WDR36: variants seen among roughly 807,000 people sequenced by gnomAD.
WDR36 encodes the protein WD repeat-containing protein 36.
A neutral mutation model predicts 112.7 loss-of-function variants in WDR36; 63 were observed. That is an observed-to-expected ratio of 0.56 (90% CI 0.46 to 0.69). The LOEUF (loss-of-function observed/expected upper bound fraction) is 0.69. Ranked by LOEUF, WDR36 falls within the 30% of genes least tolerant of loss-of-function variation. The probability of loss-of-function intolerance (pLI) is 0.00; values close to 1 mark genes in which losing one functional copy is unlikely to be tolerated. For synonymous variants in WDR36, 410 were observed against 362.2 expected (o/e 1.13, Z -1.50); for missense variants, 1,226 against 1,070.3 (o/e 1.15, Z -2.03).
In WDR36 at chr5:111,126,824, CA is replaced by C; in HGVS notation, c.2631del (p.Gln877HisfsTer11). The C allele has an allele frequency of 6.2e-7, 1 of 1,613,618 alleles. No individual in the cohort carries two copies. The highest frequency in any genetic ancestry group is 8.5e-7 in the Non-Finnish European group (1 of 1,179,792). On this transcript the variant is annotated frameshift_variant, in exon 23 of 23. Coordinates refer to ENST00000513710, the MANE Select transcript of WDR36 (RefSeq NM_139281.3). LOFTEE classifies it high-confidence loss of function. ...GGTGGAAGAAAACTGGACCCATTTG[CA>C]ATCACTCTTCAATCAAAGCATGTGT... The part of the protein sequence containing the change: ...SQVEENWTHL[Q>X]SLFNQSMCIL...
chr5:111,127,939 T>C lies in WDR36; in HGVS notation c.*1056T>C, dbSNP rs1389791903. 2 of 205,212 alleles carry C rather than the reference T, an allele frequency of 9.7e-6. No homozygotes were observed. Among genetic ancestry groups the C allele is most frequent in the African/African-American group, 4.6e-5 (2 of 43,396 alleles). The allele number at this position is 205,212 out of a possible 1,614,324, so 12.7% of individuals were successfully genotyped here. A position where few individuals can be genotyped will look rare whatever the true frequency, so the allele number is the denominator to read the frequency against. The stretch of plus-strand genomic sequence containing the variant: ...TTTTGTTTTGTTTTTTTTTTTTTTT[T>C]TTTGGCTACACTTTTTTGGGGGGGA... On this transcript the variant is annotated 3_prime_UTR_variant, in exon 23 of 23. Transcript: ENST00000513710.
intron 16 of WDR36, among the ~76,000 whole-genome samples, chr5:111,117,924 TG>T (rs1014841197): frequency 6.6e-6 from 1 of 152,156 alleles, no homozygotes; most frequent in African/African-American, 2.4e-5. Context: ...CCTTTCTCTT[TG>T]CTTCTTAAAT....
In WDR36 at chr5:111,127,151, A is replaced by G. The variant is rs910997426; in HGVS notation, c.*268A>G. The G allele has an allele frequency of 2.7e-5, 9 of 338,952 alleles. No individual in the cohort carries two copies. Among genetic ancestry groups the G allele is most frequent in the African/African-American group, 6.3e-5 (3 of 47,376 alleles). The allele number at this position is 338,952 out of a possible 1,614,324, so 21.0% of individuals were successfully genotyped here. On this transcript the variant is annotated 3_prime_UTR_variant, in exon 23 of 23. Transcript: ENST00000513710. ...CAGGAATTTGAGCCCAGCCTGGGCA[A>G]CATAGCAAGCAAGATCCCATCTCTA...
At chr5:111,101,025 G>T (rs979565095) in intron 5 of WDR36, among the ~76,000 whole-genome samples, 7 of 151,970 alleles carry the variant, frequency 4.6e-5, no homozygotes, top group African/African-American at 1.7e-4. Context: ...ATTATTTAAA[G>T]TATATGCATA....
In WDR36 at chr5:111,120,554, C is replaced by G. The variant is rs376391847; in HGVS notation, c.1963C>G (p.Pro655Ala). 2 of 1,613,014 alleles carry G rather than the reference C, an allele frequency of 1.2e-6. No individual in the cohort carries two copies. Among genetic ancestry groups the G allele is most frequent in the Non-Finnish European group, 1.7e-6 (2 of 1,179,346 alleles). The change falls in exon 18 of 23, where the codon CCT becomes GCT. Residue 655 changes from proline to alanine, a missense_variant. By Grantham distance (27) the Pro-to-Ala change is conservative (BLOSUM62 -1). Transcript: ENST00000513710. ...SLRPLPADYV[P>A]SIVMLPGTCQ... is the part of the protein sequence containing the mutation. ...ACGGCCACTTCCTGCAGATTATGTCCCTTCAATAGTCATGCTTCCTGGTAC... is the reference window on the plus strand; with the variant it reads ...ACGGCCACTTCCTGCAGATTATGTCGCTTCAATAGTCATGCTTCCTGGTAC...
At chr5:111,099,467 T>C in intron 4 of WDR36, among the ~76,000 whole-genome samples, 1 of 49,862 alleles carries the variant, frequency 2.0e-5, no homozygotes, top group Non-Finnish European at 4.7e-5. Context: ...TTTTTTGTTT[T>C]TTTTTTTTTT....
chr5:111,103,630 G>A (rs1488116306), intron 6 of WDR36, among the ~76,000 whole-genome samples, 156 bp from the exon 7 acceptor site: 1 of 151,704 alleles, frequency 6.6e-6, no homozygotes, highest in Non-Finnish European at 1.5e-5. Flanking sequence ...GAATAAAAAA[G>A]TATGCTTGAA....
chr5:111,102,804 T>C (rs1286691746), intron 6 of WDR36, among the ~76,000 whole-genome samples: 1 of 151,688 alleles, frequency 6.6e-6, no homozygotes, highest in Non-Finnish European at 1.5e-5. Context: ...AAAATCCTAA[T>C]GTTTGATTCG....
rs1753377473 is a variant in WDR36 at position 111,113,064 on chromosome 5, T to TTTTTA, written c.1717-10_1717-9insTTTTA. 1 of 1,104,428 alleles carries TTTTTA rather than the reference T, an allele frequency of 9.1e-7. No individual in the cohort carries two copies. The highest frequency in any genetic ancestry group is 3.4e-5 in the East Asian group (1 of 29,324). The allele number at this position is 1,104,428 out of a possible 1,614,324, so 68.4% of individuals were successfully genotyped here. On this transcript the variant is annotated splice_polypyrimidine_tract_variant and intron_variant, in intron 15 of 22. Transcript: ENST00000513710. ...TATATATATATATATTTTTTTTTTT[T>TTTTTA]AATTTAAAGGCTTTTAGTCCTGATG...
intron 16 of WDR36, among the ~76,000 whole-genome samples, chr5:111,117,694 G>A (rs1288561981): frequency 3.3e-5 from 5 of 152,036 alleles, no homozygotes; most frequent in Non-Finnish European, 7.4e-5. Flanking sequence ...AAGTGCTGAG[G>A]ATACTTCCTC....
Position 111,129,227 on chromosome 5 carries a change from T to G in WDR36, c.*2344T>G, listed in dbSNP as rs1753736638. On this transcript the variant is annotated 3_prime_UTR_variant, in exon 23 of 23. Transcript: ENST00000513710. Reference sequence around the variant, plus strand: ...GAACATCATCCTACATGAGCCCTTTTTGTACATATAAGGCTCTCTCTGTGG... The same window carrying G: ...GAACATCATCCTACATGAGCCCTTTGTGTACATATAAGGCTCTCTCTGTGG... 1 of 196,518 alleles carries G rather than the reference T, an allele frequency of 5.1e-6. No individual in the cohort carries two copies. The highest frequency in any genetic ancestry group is 1.9e-4 in the South Asian group (1 of 5,204). The allele number at this position is 196,518 out of a possible 1,614,324, so 12.2% of individuals were successfully genotyped here.
At chr5:111,119,398 G>A (rs1242480337) in intron 17 of WDR36, among the ~76,000 whole-genome samples, 2 of 152,060 alleles carry the variant, frequency 1.3e-5, no homozygotes, top group Non-Finnish European at 2.9e-5. Context: ...TAAAAGTTTA[G>A]GAAAAGGGAG....
intron 9 of WDR36, 32 bp from the exon 10 acceptor site, chr5:111,105,263 C>G (rs1753201404): frequency 6.3e-7 from 1 of 1,596,366 alleles, no homozygotes; most frequent in East Asian, 2.2e-5. Context: ...TTTAATGAAG[C>G]TTGATTAGGG....
chr5:111,099,456 T>TTTTG (rs1753070082), intron 4 of WDR36, among the ~76,000 whole-genome samples: 1 of 68,088 alleles, frequency 1.5e-5, no homozygotes, highest in African/African-American at 6.3e-5. Context: ...TTTTTGTTTT[T>TTTTG]TTTTTTGTTT....
intron 2 of WDR36, 93 bp from the exon 3 acceptor site, chr5:111,096,986 A>C (rs1368694915): frequency 7.4e-6 from 6 of 807,460 alleles, no homozygotes; most frequent in Non-Finnish European, 1.2e-5. Context: ...TATTTTTTTA[A>C]ATTATAGCCA....
At chr5:111,106,227 A>T in intron 11 of WDR36, 84 bp downstream of exon 11, 4 of 1,251,326 alleles carry the variant, frequency 3.2e-6, no homozygotes, top group Non-Finnish European at 4.7e-6. Context: ...CTGTTTTAAT[A>T]AATGCTTTTA....
In WDR36 at chr5:111,107,408, A is replaced by G. The variant is rs762345193; in HGVS notation, c.1295A>G (p.Lys432Arg). The G allele has an allele frequency of 1.2e-6, 2 of 1,610,348 alleles. No individual in the cohort carries two copies. Among genetic ancestry groups the G allele is most frequent in the South Asian group, 1.1e-5 (1 of 90,998 alleles). Residue 432 changes from lysine to arginine, a missense_variant, in exon 12 of 23, where the codon AAA becomes AGA. Transcript: ENST00000513710. ...ATAGGCGCTTACTTTCTCAAGCCAA[A>G]AGAGTTGAAGAAAGATGACATAACT... ...STIGAYFLKP[K>R]ELKKDDITAT...
chr5:111,102,282 A>G, intron 5 of WDR36, 63 bp from the exon 6 acceptor site: 1 of 1,237,664 alleles, frequency 8.1e-7, no homozygotes, highest in East Asian at 2.4e-5. Context: ...TTTAATGTGT[A>G]GCTGATATTG....
At chr5:111,097,366 T>C (rs1317094478) in intron 3 of WDR36, among the ~76,000 whole-genome samples, 187 bp downstream of exon 3, 4 of 152,252 alleles carry the variant, frequency 2.6e-5, no homozygotes, top group Admixed American at 1.3e-4. Context: ...AAACTGGTGC[T>C]TTACTTCAGT....
Sources: allele counts gnomAD v4.1 joint callset (sites outside exome capture counted in the v4.1 genomes callset), GRCh38; gene constraint gnomAD v4.1.1; transcripts MANE v1.5; gene names NCBI Gene and HGNC (gene_info 2026-07-23, HGNC 2026-07-21).